KCND2: variants seen among roughly 807,000 people sequenced by gnomAD.
The protein encoded by KCND2 is potassium voltage-gated channel subfamily D member 2.
KCND2 carries 16 observed loss-of-function variants against 54.4 expected under a neutral mutation model. The observed-to-expected ratio is 0.29, with a 90% CI of 0.20 to 0.45. The LOEUF (loss-of-function observed/expected upper bound fraction) is 0.45. KCND2 is among the 20% of genes least tolerant of loss of function. The pLI, the probability that KCND2 is intolerant of heterozygous loss-of-function variation, is 1.00. For synonymous variants in KCND2, 317 were observed against 310.7 expected, an observed-to-expected ratio of 1.02 and a Z score of -0.21; for missense variants, 486 against 824.2, an observed-to-expected ratio of 0.59 and a Z score of 5.02.
intron 1 of KCND2, among the ~76,000 whole-genome samples, chr7:120,318,735 G>A (rs1294695527): frequency 1.3e-5 from 2 of 151,952 alleles, no homozygotes; most frequent in South Asian, 2.1e-4. Context: ...TACCAGGAAC[G>A]AAATACTTTT....
intron 1 of KCND2, among the ~76,000 whole-genome samples, chr7:120,461,019 C>T (rs1802276603): frequency 2.0e-5 from 3 of 152,128 alleles, no homozygotes; most frequent in African/African-American, 7.2e-5. Flanking sequence ...ATTGTTAAAC[C>T]TCTGTCTGCC....
chr7:120,702,509 T>C (rs1378405214), intron 1 of KCND2, among the ~76,000 whole-genome samples: 2 of 152,182 alleles, frequency 1.3e-5, no homozygotes, highest in Non-Finnish European at 2.9e-5. Flanking sequence ...ATTGCAGCAC[T>C]ATTCACAATA....
intron 1 of KCND2, among the ~76,000 whole-genome samples, chr7:120,423,933 C>G (rs1321789556): frequency 1.3e-5 from 2 of 152,124 alleles, no homozygotes; most frequent in African/African-American, 4.8e-5. Context: ...TCCTCACAAC[C>G]TTTGTATGAC....
At chr7:120,552,045 T>C (rs1235685004) in intron 1 of KCND2, among the ~76,000 whole-genome samples, 1 of 152,176 alleles carries the variant, frequency 6.6e-6, no homozygotes, top group Non-Finnish European at 1.5e-5. Flanking sequence ...CAAATGAATA[T>C]ATCTGAGAAA....
At chr7:120,404,102 T>A (rs565259979) in intron 1 of KCND2, among the ~76,000 whole-genome samples, 2 of 152,338 alleles carry the variant, frequency 1.3e-5, no homozygotes, top group East Asian at 3.9e-4. Flanking sequence ...CTTTCTTGTT[T>A]TACTAATAAT....
At chr7:120,741,311 AG>A (rs1792937941) in intron 2 of KCND2, among the ~76,000 whole-genome samples, 1 of 152,188 alleles carries the variant, frequency 6.6e-6, no homozygotes. Context: ...TAATTCTTAA[AG>A]GCATAAGCCA....
At chr7:120,405,681 C>A (rs1246509886) in intron 1 of KCND2, among the ~76,000 whole-genome samples, 1 of 152,004 alleles carries the variant, frequency 6.6e-6, no homozygotes, top group East Asian at 1.9e-4. Flanking sequence ...ACATCAAAAT[C>A]AAAATTAAGA....
chr7:120,657,746 G>C (rs1791820141), intron 1 of KCND2, among the ~76,000 whole-genome samples: 1 of 152,118 alleles, frequency 6.6e-6, no homozygotes, highest in Non-Finnish European at 1.5e-5. Flanking sequence ...TACTCCGCAG[G>C]CTGAGGAGTG....
At chr7:120,722,401 C>T (rs1416793873) in intron 1 of KCND2, among the ~76,000 whole-genome samples, 2 of 152,136 alleles carry the variant, frequency 1.3e-5, no homozygotes, top group Non-Finnish European at 2.9e-5. Flanking sequence ...AGGAGGGATA[C>T]AACTTGTACT....
intron 1 of KCND2, among the ~76,000 whole-genome samples, chr7:120,601,571 G>A (rs1429144056): frequency 2.6e-5 from 4 of 152,054 alleles, no homozygotes; most frequent in Admixed American, 6.6e-5. Flanking sequence ...GTTAATCGCT[G>A]GACAGCAAAT....
chr7:120,490,655 G>T (rs1332635221), intron 1 of KCND2, among the ~76,000 whole-genome samples: 1 of 152,060 alleles, frequency 6.6e-6, no homozygotes, highest in African/African-American at 2.4e-5. Flanking sequence ...AAAGTCTTAA[G>T]GTGCAGAGTG....
chr7:120,590,199 A>G (rs1584843214), intron 1 of KCND2, among the ~76,000 whole-genome samples: 1 of 151,916 alleles, frequency 6.6e-6, no homozygotes, highest in Non-Finnish European at 1.5e-5. Context: ...TTGTATTTTT[A>G]GTAGAGATGG....
intron 1 of KCND2, among the ~76,000 whole-genome samples, chr7:120,416,322 G>A (rs955869452): frequency 1.3e-5 from 2 of 151,878 alleles, no homozygotes; most frequent in African/African-American, 2.4e-5. Flanking sequence ...ACATATTTTT[G>A]CCTCTACTTC....
At chr7:120,561,457 G>A (rs533796682) in intron 1 of KCND2, among the ~76,000 whole-genome samples, 3 of 152,092 alleles carry the variant, frequency 2.0e-5, no homozygotes, top group African/African-American at 7.2e-5. Flanking sequence ...ATCCTATGAG[G>A]TATAACTATT....
intron 1 of KCND2, among the ~76,000 whole-genome samples, chr7:120,566,336 A>T (rs2116418744): frequency 6.6e-6 from 1 of 151,748 alleles, no homozygotes; most frequent in African/African-American, 2.4e-5. Context: ...GCGCATGGAT[A>T]TTTTGCCTTT....
intron 1 of KCND2, among the ~76,000 whole-genome samples, chr7:120,334,660 C>T (rs1021030477): frequency 2.6e-5 from 4 of 152,164 alleles, no homozygotes; most frequent in African/African-American, 9.7e-5. Context: ...TGCCAAGGCT[C>T]CACAGAGGTC....
intron 1 of KCND2, among the ~76,000 whole-genome samples, chr7:120,311,711 T>A (rs1375275047): frequency 6.6e-6 from 1 of 152,102 alleles, no homozygotes; most frequent in South Asian, 2.1e-4. Context: ...TTTTCTGATC[T>A]TCCTCCCCCA....
chr7:120,396,817 A>G (rs950670103), intron 1 of KCND2, among the ~76,000 whole-genome samples: 1 of 152,056 alleles, frequency 6.6e-6, no homozygotes, highest in Non-Finnish European at 1.5e-5. Flanking sequence ...CATTATGGCC[A>G]TATATTTCCA....
At chr7:120,363,433 T>C (rs1369734192) in intron 1 of KCND2, among the ~76,000 whole-genome samples, 3 of 152,124 alleles carry the variant, frequency 2.0e-5, no homozygotes, top group African/African-American at 7.2e-5. Flanking sequence ...AACCCTATCC[T>C]TCCAATTTCC....
Sources: gnomAD v4.1 joint callset for allele counts (sites outside exome capture counted in the v4.1 genomes callset) on GRCh38, gnomAD v4.1.1 for gene constraint, MANE v1.5 for transcripts, NCBI Gene and HGNC (gene_info 2026-07-23, HGNC 2026-07-21) for gene names.